The following SYNE1 variants were observed in gnomAD, a reference collection of about 807,000 sequenced individuals.
SYNE1 encodes the protein spectrin repeat containing nuclear envelope protein 1.
SYNE1 carries 616 observed loss-of-function variants against 1,111.0 expected under a neutral mutation model. The ratio of observed to expected loss-of-function variants is 0.55; its 90% CI spans 0.52 to 0.59. The LOEUF is 0.59. SYNE1 is among the 20% of genes least tolerant of loss of function. The pLI, the probability that SYNE1 is intolerant of heterozygous loss-of-function variation, is 0.00. For synonymous variants in SYNE1, 3,855 were observed against 3,825.8 expected (o/e 1.01, Z -0.28); for missense variants, 10,006 against 10,417.0 (o/e 0.96, Z 1.72).
Position 152,444,494 on chromosome 6 carries a change from A to C in SYNE1, c.3754T>G (p.Ser1252Ala). 2 of 1,614,012 alleles carry C rather than the reference A, an allele frequency of 1.2e-6. No individual in the cohort carries two copies. The highest frequency in any genetic ancestry group is 1.7e-6 in the Non-Finnish European group (2 of 1,179,948). Residue 1252 changes from serine to alanine, a missense_variant, in exon 30 of 146, where the codon TCT (serine) becomes GCT (alanine). Transcript: ENST00000367255. ...TCAGCTTGTTCCTGGACTTCTTTAG[A>C]GCCAGAAATTAATTCTTCGAGAGAA... ...KNSLEELISGSKEVQEQAEKI... is the reference protein window; with the variant it reads ...KNSLEELISGAKEVQEQAEKI...
intron 3 of SYNE1, among the ~76,000 whole-genome samples, chr6:152,559,451 C>CA (rs762862698): frequency 4.0e-5 from 6 of 151,452 alleles, no homozygotes; most frequent in African/African-American, 1.2e-4. Context: ...TTTCTGACCA[C>CA]AAAAAAACAT....
intron 7 of SYNE1, 141 bp downstream of exon 7, chr6:152,510,870 C>G: frequency 1.2e-6 from 1 of 831,076 alleles, no homozygotes; most frequent in South Asian, 1.4e-5. Flanking sequence ...ACCAAAGAAA[C>G]AACGTATGTG....
chr6:152,455,605 C>G lies in SYNE1; in HGVS notation c.2728-15G>C, dbSNP rs535509058. ...TTTACCATACTCTTGATGTGAAAAA[C>G]AATCATAATGTGATGCTGCTTTCTC... On this transcript the variant is annotated splice_polypyrimidine_tract_variant and intron_variant, in intron 23 of 145. Coordinates refer to ENST00000367255, the MANE Select transcript of SYNE1 (RefSeq NM_182961.4). 1.2e-6 allele frequency: 2 copies of G among 1,614,052 alleles called. No homozygotes were observed. The highest frequency in any genetic ancestry group is 2.2e-5 in the East Asian group (1 of 44,884).
chr6:152,318,317 A>G (rs2153899947), intron 85 of SYNE1, 54 bp from the exon 86 acceptor site: 1 of 1,596,758 alleles, frequency 6.3e-7, no homozygotes, highest in South Asian at 1.1e-5. Flanking sequence ...AAATTTCTCC[A>G]GGTTTCCCGA....
chr6:152,486,573 A>G (rs1481319590), intron 12 of SYNE1, among the ~76,000 whole-genome samples: 1 of 152,198 alleles, frequency 6.6e-6, no homozygotes, highest in Non-Finnish European at 1.5e-5. Flanking sequence ...AAACCTCATC[A>G]GTGGACTAAA....
At position 152,310,479 on chromosome 6, in the gene SYNE1, C is replaced by T; in HGVS notation, c.16936G>A (p.Ala5646Thr). The T allele has an allele frequency of 6.2e-7, 1 of 1,614,108 alleles. No individual in the cohort carries two copies. The highest frequency in any genetic ancestry group is 8.5e-7 in the Non-Finnish European group (1 of 1,180,016). Residue 5646 changes from alanine (A) to threonine (T), a missense_variant, in exon 89 of 146, where the codon GCT becomes ACT. Coordinates refer to ENST00000367255, the MANE Select transcript of SYNE1 (RefSeq NM_182961.4). ...GTTGCCTGGGCTTGCTCCAAGGCAG[C>T]TTGTAACTTTTTCAACTCTGCTTCA... ...KFEAELKKLQ[A>T]ALEQAQATLT...
intron 145 of SYNE1, chr6:152,126,570 CAGAT>C (rs1458064029): frequency 6.6e-6 from 1 of 152,112 alleles, no homozygotes; most frequent in Non-Finnish European, 1.5e-5. Context: ...ACAGATATAT[CAGAT>C]AGTTCTGTCC....
chr6:152,415,617 C>G (rs889778387), intron 41 of SYNE1, among the ~76,000 whole-genome samples: 12 of 152,012 alleles, frequency 7.9e-5, no homozygotes, highest in South Asian at 2.1e-4. Flanking sequence ...TCTCTTCTGC[C>G]TTCATTCTTG....
intron 121 of SYNE1, among the ~76,000 whole-genome samples, chr6:152,217,114 TA>T (rs35131405): frequency 0.29 from 28,742 of 100,046 alleles, 3,522 homozygotes; most frequent in East Asian, 0.48. Context: ...TTTTTTTTTT[TA>T]AAAAAGTATT....
At chr6:152,556,571 G>A (rs1418873652) in intron 3 of SYNE1, among the ~76,000 whole-genome samples, 1 of 152,112 alleles carries the variant, frequency 6.6e-6, no homozygotes, top group Admixed American at 6.5e-5. Context: ...GTGGACTCAG[G>A]TTTTAGGCCA....
At position 152,133,720 on chromosome 6, in the gene SYNE1, C is replaced by G. The variant is rs1585727472; in HGVS notation, c.25789-232G>C. Reference sequence around the variant, plus strand: ...CTCTGATCTCAGTTTGATTTGATGCCTGGTCCACAGTATTATTGGAAGGTT... The same window carrying G: ...CTCTGATCTCAGTTTGATTTGATGCGTGGTCCACAGTATTATTGGAAGGTT... On this transcript the variant is annotated intron_variant, in intron 142 of 145. Coordinates refer to ENST00000367255, the MANE Select transcript of SYNE1 (RefSeq NM_182961.4). 6.9e-6 allele frequency: 4 copies of G among 578,786 alleles called. No individual in the cohort carries two copies. The East Asian group carries it at 1.2e-4, about 17-fold the overall frequency. The allele number at this position is 578,786 out of a possible 1,614,324, so 35.9% of individuals were successfully genotyped here.
chr6:152,455,365 T>C, intron 24 of SYNE1, 61 bp downstream of exon 24: 1 of 1,559,524 alleles, frequency 6.4e-7, no homozygotes, highest in Non-Finnish European at 8.7e-7. Context: ...TTTTTTAAGC[T>C]TTCCTCCAAG....
At chr6:152,240,774 T>G (rs934824045) in intron 107 of SYNE1, among the ~76,000 whole-genome samples, 1 of 152,246 alleles carries the variant, frequency 6.6e-6, no homozygotes, top group Non-Finnish European at 1.5e-5. Flanking sequence ...CCAGTCTATG[T>G]AGCTTGCCCA....
intron 73 of SYNE1, among the ~76,000 whole-genome samples, chr6:152,346,392 C>T (rs1269050718): frequency 6.6e-6 from 1 of 152,066 alleles, no homozygotes; most frequent in Non-Finnish European, 1.5e-5. Context: ...GTCTCAAGCT[C>T]CTGACCTCAA....
intron 62 of SYNE1, among the ~76,000 whole-genome samples, chr6:152,366,061 C>T (rs768669358): frequency 3.9e-5 from 6 of 152,124 alleles, no homozygotes; most frequent in Admixed American, 2.0e-4. Context: ...TGCCCGGACG[C>T]GGTGGCTCAC....
Position 152,502,739 on chromosome 6 carries a change from A to T in SYNE1, c.782T>A (p.Val261Asp). The change falls in exon 10 of 146, where the codon GTT (valine) becomes GAT (aspartate). Residue 261 changes from valine (V) to aspartate (D), a missense_variant. This residue lies in a region of SYNE1 where 1,971 missense variants were observed against 2,084.1 expected (regional missense o/e 0.95). Coordinates refer to ENST00000367255, the MANE Select transcript of SYNE1 (RefSeq NM_182961.4). ...TTTCTCATCTGGTTTATCCACATCA[A>T]CGTCTGAAAAAACAAAAAAGAAATG... Reference protein sequence around the residue: ...GIPRLLDPEDVDVDKPDEKSI... With the variant: ...GIPRLLDPEDDDVDKPDEKSI... The T allele has an allele frequency of 1.2e-6, 2 of 1,609,046 alleles. No individual in the cohort carries two copies. The highest frequency in any genetic ancestry group is 1.7e-6 in the Non-Finnish European group (2 of 1,175,636).
intron 107 of SYNE1, among the ~76,000 whole-genome samples, chr6:152,241,808 G>A (rs951073652): frequency 2.0e-5 from 3 of 152,140 alleles, no homozygotes; most frequent in Non-Finnish European, 2.9e-5. Flanking sequence ...AGTCCTTGAC[G>A]AGGACAAGGG....
In SYNE1 at chr6:152,528,310, A is replaced by C. The variant is rs188170189; in HGVS notation, c.130-2135T>G. ...GCTTGCTGGCTGACTGACTGACTGA[A>C]TGAATGAATGAATGAATGTAAATAT... is the stretch of plus-strand genomic sequence containing the variant. On this transcript the variant is annotated intron_variant, in intron 4 of 145. Coordinates refer to ENST00000367255, the MANE Select transcript of SYNE1 (RefSeq NM_182961.4). Among the ~76,000 whole-genome samples the C allele has an allele frequency of 6.9e-3, 1,034 of 149,006 alleles. 11 individuals carry two copies. The highest frequency in any genetic ancestry group is 0.023 in the African/African-American group (891 of 38,544).
At chr6:152,260,181 C>T (rs1182773830) in intron 101 of SYNE1, among the ~76,000 whole-genome samples, 1 of 152,170 alleles carries the variant, frequency 6.6e-6, no homozygotes, top group African/African-American at 2.4e-5. Flanking sequence ...ATTTCTCTAA[C>T]TTAAGATAGT....
Sources: gnomAD v4.1 joint callset for allele counts (sites outside exome capture counted in the v4.1 genomes callset) on GRCh38, gnomAD v4.1.1 for gene constraint, gnomAD v4.1.1 regional missense constraint, MANE v1.5 for transcripts, NCBI Gene and HGNC (gene_info 2026-07-23, HGNC 2026-07-21) for gene names.